The following TYMP variants were observed in gnomAD, a reference collection of about 807,000 sequenced individuals.
TYMP encodes gliostatin.
TYMP carries 46 observed loss-of-function variants against 42.3 expected under a neutral mutation model. The observed-to-expected ratio is 1.09, with a 90% CI of 0.86 to 1.39. The LOEUF (loss-of-function observed/expected upper bound fraction) is 1.39, where lower values mean the gene tolerates loss of function less well. TYMP is among the 40% of genes most tolerant of loss of function. The pLI, the probability that TYMP is intolerant of heterozygous loss-of-function variation, is 0.00. For missense variants in TYMP, 837 were observed against 677.6 expected (o/e 1.24, Z -2.61); for synonymous variants, 363 against 308.0 (o/e 1.18, Z -1.87).
Position 50,526,686 on chromosome 22 carries a change from A to C in TYMP, c.818T>G (p.Met273Arg). The change falls in exon 7 of 10, where the codon ATG (methionine) becomes AGG (arginine). Residue 273 changes from methionine (M) to arginine (R), a missense_variant. Transcript: ENST00000252029. ...GLRVAAALTA[M>R]DKPLGRCVGH... is the part of the protein sequence containing the mutation. ...CACGCAGCGACCCAGGGGCTTGTCC[A>C]TGGCGGTCAGCGCTGCCGCGACCCG... 1 of 1,546,438 alleles carries C rather than the reference A, an allele frequency of 6.5e-7. No homozygotes were observed. Among genetic ancestry groups the C allele is most frequent in the Non-Finnish European group, 8.7e-7 (1 of 1,149,484 alleles).
Position 50,529,579 on chromosome 22 carries a change from C to G in TYMP, c.131G>C (p.Arg44Pro), listed in dbSNP as rs28931613. The G allele has an allele frequency of 1.9e-6, 3 of 1,613,182 alleles. No homozygotes were observed. The highest frequency in any genetic ancestry group is 2.5e-6 in the Non-Finnish European group (3 of 1,179,938). ...CGCTTCGCTCAGGCGGCCTCCGTCT[C>G]GCTTCATGCGGATCAGCTCCGGGAG... ...KQLPELIRMK[R>P]DGGRLSEADI... Residue 44 changes from arginine (R) to proline (P), a missense_variant, in exon 2 of 10, where the codon CGA becomes CCA. Physicochemically the swap from Arg to Pro is moderately radical, Grantham distance 103 (BLOSUM62 -2). Coordinates refer to ENST00000252029, the MANE Select transcript of TYMP (RefSeq NM_001953.5).
At chr22:50,529,800 T>C in intron 1 of TYMP, 81 bp from the exon 2 acceptor site, 1 of 1,219,930 alleles carries the variant, frequency 8.2e-7, no homozygotes, top group South Asian at 1.4e-5. Context: ...CCCGACCCCT[T>C]TCCCGTGTCT....
chr22:50,528,266 A>G, intron 4 of TYMP: 1 of 566,252 alleles, frequency 1.8e-6, no homozygotes, highest in Non-Finnish European at 3.2e-6. Flanking sequence ...CGGCCTCCCC[A>G]AGTGCTAGGA....
In TYMP at chr22:50,529,927, CG is replaced by C. The variant is rs1419295878; in HGVS notation, c.-35del. 3.5e-5 allele frequency: 21 copies of C among 596,918 alleles called. No homozygotes were observed. Among genetic ancestry groups the C allele is most frequent in the Non-Finnish European group, 5.6e-5 (19 of 337,064 alleles). 37.0% of individuals were successfully genotyped at this position (596,918 alleles called of 1,614,324 possible). A position where few individuals can be genotyped will look rare whatever the true frequency, so the allele number is the denominator to read the frequency against. Reference sequence around the variant, plus strand: ...ACCTGCTTAGGGCGCTGCCCTCGCCCGCTTGCTCCGGATCCCAGCCCAGGTA... The same window carrying C: ...ACCTGCTTAGGGCGCTGCCCTCGCCCCTTGCTCCGGATCCCAGCCCAGGTA... On this transcript the variant is annotated 5_prime_UTR_variant, in exon 1 of 10. Coordinates refer to ENST00000252029, the MANE Select transcript of TYMP (RefSeq NM_001953.5).
intron 5 of TYMP, 75 bp from the exon 6 acceptor site, chr22:50,527,358 T>G: frequency 1.4e-6 from 2 of 1,382,946 alleles, no homozygotes; most frequent in Non-Finnish European, 1.0e-6. Flanking sequence ...GATGCCGACT[T>G]TGGGGTCAGG....
At position 50,525,822 on chromosome 22, in the gene TYMP, G is replaced by A. The variant is rs2069331076; in HGVS notation, c.1397C>T (p.Pro466Leu). 1 of 1,610,106 alleles carries A rather than the reference G, an allele frequency of 6.2e-7. No homozygotes were observed. Among genetic ancestry groups the A allele is most frequent in the African/African-American group, 1.3e-5 (1 of 74,838 alleles). Residue 466 changes from proline (P) to leucine (L), a missense_variant, in exon 10 of 10, where the codon CCA (proline) becomes CTA (leucine). By Grantham distance (98) the Pro-to-Leu change is moderately conservative (BLOSUM62 -3). Transcript: ENST00000252029. ...QEALVLSDRA[P>L]FAAPSPFAEL... ...TGCGAAGGGCGAGGGGGCGGCGAAT[G>A]GCGCGCGGTCGGAGAGTACGAGCGC... is the stretch of plus-strand genomic sequence containing the variant.
In TYMP at chr22:50,527,595, G is replaced by A. The variant is rs146557523; in HGVS notation, c.639C>T (p.Leu213=). 2.5e-5 allele frequency: 40 copies of A among 1,613,880 alleles called. No individual in the cohort carries two copies. In the African/African-American group the frequency reaches 5.1e-4, roughly 20 times the overall value. Residue 213 remains leucine, a synonymous_variant, in exon 5 of 10, where the codon CTC becomes CTT. Transcript: ENST00000252029. ...GCCATGGAGTCAGGTCACCTGTGAT[G>A]AGTGGCAGGCTGTCCACGGTGGCTG... The part of the protein sequence containing the change: ...DVTATVDSLP[L]ITASILSKKL...
At chr22:50,527,900 C>T in intron 4 of TYMP, 183 bp from the exon 5 acceptor site, 3 of 683,986 alleles carry the variant, frequency 4.4e-6, no homozygotes, top group African/African-American at 1.8e-5. Context: ...CTCAGCTTCC[C>T]AGTAGCTGGG....
chr22:50,525,970 G>A (rs1488134868), intron 9 of TYMP, 31 bp downstream of exon 9: 9 of 1,387,080 alleles, frequency 6.5e-6, no homozygotes, highest in Non-Finnish European at 6.5e-6. Context: ...GGGCGGGGGT[G>A]CGGGGCCAGC....
At chr22:50,529,438 A>T in intron 2 of TYMP, 58 bp downstream of exon 2, 1 of 1,607,730 alleles carries the variant, frequency 6.2e-7, no homozygotes, top group Non-Finnish European at 8.5e-7. Context: ...CAGGGACCCA[A>T]AGTCTCTCGG....
At position 50,528,594 on chromosome 22, in the gene TYMP, C is replaced by T; in HGVS notation, c.434G>A (p.Gly145Glu). The change falls in exon 4 of 10, where the codon GGA becomes GAA. Residue 145 changes from glycine to glutamate, a missense_variant. Gly to Glu is a moderately conservative substitution (Grantham distance 98). Transcript: ENST00000252029. ...ACGCKVPMISGRGLGHTGGTL... is the reference protein window; with the variant it reads ...ACGCKVPMISERGLGHTGGTL... The stretch of plus-strand genomic sequence containing the variant: ...GCCTCCTGTGTGCCCCAGACCACGT[C>T]CGCTGATCATTGGCACCTGGTGGTC... 1.2e-6 allele frequency: 2 copies of T among 1,613,766 alleles called. No individual in the cohort carries two copies. Among genetic ancestry groups the T allele is most frequent in the Non-Finnish European group, 8.5e-7 (1 of 1,179,946 alleles).
intron 6 of TYMP, among the ~76,000 whole-genome samples, 154 bp from the exon 7 acceptor site, chr22:50,526,892 C>G (rs1347657238): frequency 3.3e-5 from 5 of 152,252 alleles, no homozygotes; most frequent in Non-Finnish European, 5.9e-5. Flanking sequence ...GAGTGAAGTG[C>G]GACACCTCGC....
rs1413594155 is a variant in TYMP, at chr22:50,526,049, C to T, written c.1252G>A (p.Gly418Arg). The T allele has an allele frequency of 2.3e-5, 34 of 1,482,028 alleles. No individual in the cohort carries two copies. Among genetic ancestry groups the T allele is most frequent in the Non-Finnish European group, 2.8e-5 (31 of 1,124,054 alleles). The allele number at this position is 1,482,028 out of a possible 1,614,324, so 91.8% of individuals were successfully genotyped here. A position where few individuals can be genotyped will look rare whatever the true frequency, so the allele number is the denominator to read the frequency against. The change falls in exon 9 of 10, where the codon GGG (glycine) becomes AGG (arginine). Residue 418 changes from glycine to arginine, a missense_variant. Physicochemically the swap from Gly to Arg is moderately radical, Grantham distance 125 (BLOSUM62 -2). Coordinates refer to ENST00000252029, the MANE Select transcript of TYMP (RefSeq NM_001953.5). Reference protein sequence around the residue: ...RSRAGEPLRLGVGAELLVDVG... With the variant: ...RSRAGEPLRLRVGAELLVDVG... ...TCGACCAGCAGCTCTGCGCCCACCC[C>T]CAGGCGGAGCGGCTCCCCAGCGCGG...
intron 6 of TYMP, among the ~76,000 whole-genome samples, 171 bp from the exon 7 acceptor site, chr22:50,526,909 G>C (rs1319215632): frequency 2.0e-5 from 3 of 152,260 alleles, no homozygotes; most frequent in Admixed American, 6.5e-5. Context: ...TCGCCATGGG[G>C]CCAGGAGGAA....
chr22:50,529,913 G>T lies in TYMP; in HGVS notation c.-20C>A. ...TGAGCCCCGCCCGTACCTGCTTAGG[G>T]CGCTGCCCTCGCCCGCTTGCTCCGG... On this transcript the variant is annotated 5_prime_UTR_variant, in exon 1 of 10. Transcript: ENST00000252029. 3.3e-6 allele frequency: 2 copies of T among 612,032 alleles called. No individual in the cohort carries two copies. Among genetic ancestry groups the T allele is most frequent in the Admixed American group, 5.9e-5 (2 of 33,900 alleles). The allele number at this position is 612,032 out of a possible 1,614,324, so 37.9% of individuals were successfully genotyped here. A position where few individuals can be genotyped will look rare whatever the true frequency, so the allele number is the denominator to read the frequency against.
At chr22:50,529,422 C>T (rs769837101) in intron 2 of TYMP, 74 bp downstream of exon 2, 1 of 1,604,682 alleles carries the variant, frequency 6.2e-7, no homozygotes, top group East Asian at 2.2e-5. Context: ...GGCACCGTCG[C>T]ACCCCCAGGG....
intron 4 of TYMP, 148 bp downstream of exon 4, chr22:50,528,364 G>T: frequency 2.7e-6 from 2 of 751,384 alleles, no homozygotes; most frequent in African/African-American, 1.7e-5. Flanking sequence ...TTCCACTGAT[G>T]ATTTCGGCCC....
intron 3 of TYMP, 47 bp from the exon 4 acceptor site, chr22:50,528,657 C>T (rs771977939): frequency 2.1e-6 from 3 of 1,437,162 alleles, no homozygotes; most frequent in Non-Finnish European, 2.9e-6. Flanking sequence ...CCCTCCCCCA[C>T]CTCTGTGCAT....
At chr22:50,528,165 C>A in intron 4 of TYMP, 1 of 399,198 alleles carries the variant, frequency 2.5e-6, no homozygotes, top group East Asian at 6.0e-5. Context: ...GCGTGCACCA[C>A]CACACGCAGC....
Sources: gnomAD v4.1 joint callset for allele counts (sites outside exome capture counted in the v4.1 genomes callset) on GRCh38, gnomAD v4.1.1 for gene constraint, MANE v1.5 for transcripts, NCBI Gene and HGNC (gene_info 2026-07-23, HGNC 2026-07-21) for gene names.